PDE1C: variants seen among roughly 807,000 people sequenced by gnomAD.
PDE1C encodes the protein dual specificity calcium/calmodulin-dependent 3',5'-cyclic nucleotide phosphodiesterase 1C.
A neutral mutation model predicts 93.1 loss-of-function variants in PDE1C; 62 were observed. The observed-to-expected ratio is 0.67, with a 90% CI of 0.54 to 0.82. The LOEUF (loss-of-function observed/expected upper bound fraction) is 0.82. Among genes scored for constraint, PDE1C ranks in the 40% least tolerant of loss-of-function variants. PDE1C has a pLI of 0.00. For synonymous variants in PDE1C, 325 were observed against 310.1 expected, an observed-to-expected ratio of 1.05 and a Z score of -0.50; for missense variants, 742 against 884.6, an observed-to-expected ratio of 0.84 and a Z score of 2.04.
At chr7:31,729,619 G>C in the PDE1C span, among the ~76,000 whole-genome samples, 46,766 of 152,070 alleles carry the variant, frequency 0.31, 8,021 homozygotes, top group East Asian at 0.62. Flanking sequence ...GTGTATTGGA[G>C]AAAGGCAGGG....
At chr7:32,043,860 T>C (rs1183362770) in intron 2 of PDE1C, among the ~76,000 whole-genome samples, 1 of 152,220 alleles carries the variant, frequency 6.6e-6, no homozygotes. Context: ...GAGGGTCAAA[T>C]GAGAGTCTAC....
chr7:32,309,805 G>A (rs1165324955), intron 1 of PDE1C, among the ~76,000 whole-genome samples: 1 of 152,198 alleles, frequency 6.6e-6, no homozygotes, highest in East Asian at 1.9e-4. Flanking sequence ...ATGCCAAAAT[G>A]TAAAGACCAT....
At chr7:32,183,247 T>C (rs1300512495) in intron 2 of PDE1C, among the ~76,000 whole-genome samples, 2 of 152,154 alleles carry the variant, frequency 1.3e-5, no homozygotes, top group African/African-American at 4.8e-5. Flanking sequence ...ATAGATTCAA[T>C]GCCATCCCCA....
intron 9 of PDE1C, among the ~76,000 whole-genome samples, chr7:31,845,169 AT>A (rs1792400573): frequency 6.6e-6 from 1 of 152,046 alleles, no homozygotes; most frequent in Non-Finnish European, 1.5e-5. Flanking sequence ...ACACAAGCAC[AT>A]TTTTCATTAC....
upstream of PDE1C, among the ~76,000 whole-genome samples, chr7:32,303,088 A>G (rs1444947007): frequency 6.6e-6 from 1 of 152,230 alleles, no homozygotes; most frequent in Admixed American, 6.5e-5. Flanking sequence ...ATTTCTGGGA[A>G]TAGGAATTGT....
chr7:31,966,879 A>G (rs1810071668), intron 2 of PDE1C, among the ~76,000 whole-genome samples: 1 of 152,202 alleles, frequency 6.6e-6, no homozygotes, highest in Admixed American at 6.5e-5. Flanking sequence ...TAATGAAATG[A>G]AGGCAGAAAT....
intron 2 of PDE1C, among the ~76,000 whole-genome samples, chr7:31,984,893 C>G (rs1315592102): frequency 6.6e-6 from 1 of 152,150 alleles, no homozygotes. Context: ...AATCTGAAAG[C>G]CCCAGGTTGG....
chr7:31,995,015 T>C (rs996076449), intron 2 of PDE1C, among the ~76,000 whole-genome samples: 5 of 152,192 alleles, frequency 3.3e-5, no homozygotes, highest in African/African-American at 1.2e-4. Flanking sequence ...GGACTGACCA[T>C]GATAATACTA....
At chr7:31,882,366 C>T (rs1055860514) in intron 2 of PDE1C, among the ~76,000 whole-genome samples, 4 of 152,042 alleles carry the variant, frequency 2.6e-5, no homozygotes, top group Middle Eastern at 3.2e-3. Flanking sequence ...GAAGGGCATG[C>T]CAGTCACTCA....
At chr7:31,632,480 T>C in the PDE1C span, among the ~76,000 whole-genome samples, 4 of 152,054 alleles carry the variant, frequency 2.6e-5, no homozygotes, top group Non-Finnish European at 5.9e-5. Context: ...AAATTATCCA[T>C]GACAGGATGG....
At chr7:31,713,418 C>T in the PDE1C span, among the ~76,000 whole-genome samples, 90 of 152,340 alleles carry the variant, frequency 5.9e-4, no homozygotes, top group African/African-American at 2.1e-3. Flanking sequence ...GGTATAGTCC[C>T]CCCTGGCTGC....
At chr7:32,185,708 A>G (rs1803806085) in intron 2 of PDE1C, among the ~76,000 whole-genome samples, 1 of 152,084 alleles carries the variant, frequency 6.6e-6, no homozygotes, top group African/African-American at 2.4e-5. Flanking sequence ...TTCTCTGTCT[A>G]CTTTCTAGAG....
At chr7:31,816,225 G>GT in intron 14 of PDE1C, 71 bp from the exon 15 acceptor site, 2 of 1,361,878 alleles carry the variant, frequency 1.5e-6, no homozygotes, top group South Asian at 2.5e-5. Flanking sequence ...AGAATGGCCT[G>GT]TTTTAGTACA....
chr7:31,983,165 A>C (rs377172836), intron 2 of PDE1C, among the ~76,000 whole-genome samples: 1 of 152,352 alleles, frequency 6.6e-6, no homozygotes, highest in South Asian at 2.1e-4. Context: ...AAATTGCTCC[A>C]GGGCTAAGTG....
chr7:31,749,950 C>T (rs1007194547), downstream of PDE1C, among the ~76,000 whole-genome samples: 3 of 151,980 alleles, frequency 2.0e-5, no homozygotes, highest in African/African-American at 7.3e-5. Flanking sequence ...ATTGGATAGG[C>T]TGGTCTCGAA....
At chr7:31,781,293 T>C (rs7790616) in intron 16 of PDE1C, among the ~76,000 whole-genome samples, 117,963 of 152,134 alleles carry the variant, frequency 0.78, 47,261 homozygotes, top group Non-Finnish European at 0.89. Flanking sequence ...ATTTAAGAGC[T>C]CTTGAGACCA....
intron 2 of PDE1C, among the ~76,000 whole-genome samples, chr7:31,882,523 C>G (rs73690313): frequency 6.6e-6 from 1 of 152,054 alleles, no homozygotes; most frequent in African/African-American, 2.4e-5. Flanking sequence ...TCAAGGTGCC[C>G]AGCTATCCCC....
chr7:31,976,242 G>A (rs752702229), intron 2 of PDE1C, among the ~76,000 whole-genome samples: 2 of 152,138 alleles, frequency 1.3e-5, no homozygotes, highest in African/African-American at 2.4e-5. Context: ...TCCAATGTGG[G>A]TAAGAAGAAA....
intron 16 of PDE1C, among the ~76,000 whole-genome samples, chr7:31,794,797 T>C (rs1785086535): frequency 1.3e-5 from 2 of 151,958 alleles, no homozygotes; most frequent in South Asian, 4.1e-4. Flanking sequence ...TCTTTGAATC[T>C]GTGAAGTCAG....
Sources: gnomAD v4.1 joint callset for allele counts (sites outside exome capture counted in the v4.1 genomes callset) on GRCh38, gnomAD v4.1.1 for gene constraint, MANE v1.5 for transcripts, NCBI Gene and HGNC (gene_info 2026-07-23, HGNC 2026-07-21) for gene names.